Variants in AMMECR1 observed in about 807,000 individuals in gnomAD.
AMMECR1 encodes the protein nuclear protein AMMECR1.
AMMECR1 carries 3 observed loss-of-function variants against 22.5 expected under a neutral mutation model. That is an observed-to-expected ratio of 0.13 (90% CI 0.06 to 0.35). The LOEUF (loss-of-function observed/expected upper bound fraction) is 0.35, where lower values mean the gene tolerates loss of function less well. AMMECR1 is among the 10% of genes least tolerant of loss of function. The pLI, the probability that AMMECR1 is intolerant of heterozygous loss-of-function variation, is 1.00. For missense variants in AMMECR1, 235 were observed against 278.7 expected, an observed-to-expected ratio of 0.84 and a Z score of 1.12; for synonymous variants, 130 against 116.7, an observed-to-expected ratio of 1.11 and a Z score of -0.74.
intron 1 of AMMECR1, among the ~76,000 whole-genome samples, chrX:110,279,205 C>T (rs192579233): frequency 8.9e-6 from 1 of 112,168 alleles, no homozygotes; most frequent in East Asian, 2.8e-4. Context: ...TTTCAGTGAC[C>T]AGTTTCATGC....
Position 110,345,740 on chromosome X carries a change from AT to A in AMMECR1, c.-147-27892del, listed in dbSNP as rs199872667. On this transcript the variant is annotated intron_variant, in intron 2 of 7. Transcript: ENST00000372057. ...TGAATCAAAAATAAAAATTGAAATA[AT>A]TTTTTTAAAAAGAAAAATACAATAG... 9.6e-3 allele frequency among the ~76,000 whole-genome samples: 1,063 copies of A among 111,131 alleles called. 19 individuals are homozygous for A. The highest frequency in any genetic ancestry group is 0.032 in the African/African-American group (985 of 30,618).
At chrX:110,423,254 G>C (rs767019168) in intron 2 of AMMECR1, among the ~76,000 whole-genome samples, 23 of 110,497 alleles carry the variant, frequency 2.1e-4, no homozygotes, top group Non-Finnish European at 4.2e-4. Flanking sequence ...CTTGAACCTG[G>C]GAGGTTGAGG....
At chrX:110,235,159 G>C (rs1202144185) in intron 2 of AMMECR1, among the ~76,000 whole-genome samples, 1 of 111,559 alleles carries the variant, frequency 9.0e-6, no homozygotes, top group African/African-American at 3.3e-5. Context: ...CCCTGTCGAA[G>C]GGTGGGCAAA....
chrX:110,240,296 C>T (rs774982212), intron 2 of AMMECR1, among the ~76,000 whole-genome samples: 121 of 102,888 alleles, frequency 1.2e-3, no homozygotes, highest in Non-Finnish European at 2.2e-3. Flanking sequence ...CATTGGTGTG[C>T]TGTATTCACG....
At chrX:110,410,294 A>C (rs2068633241) in intron 2 of AMMECR1, among the ~76,000 whole-genome samples, 1 of 111,845 alleles carries the variant, frequency 8.9e-6, no homozygotes, top group South Asian at 3.8e-4. Flanking sequence ...CACTCTGCCT[A>C]GAGGTAGAGG....
At chrX:110,244,474 C>A (rs775880913) in intron 2 of AMMECR1, among the ~76,000 whole-genome samples, 1 of 111,763 alleles carries the variant, frequency 8.9e-6, no homozygotes. Context: ...GAAATTGAGT[C>A]GTATATGTCC....
chrX:110,413,083 C>G (rs773091438), intron 2 of AMMECR1, among the ~76,000 whole-genome samples: 2 of 111,571 alleles, frequency 1.8e-5, no homozygotes, highest in African/African-American at 6.5e-5. Flanking sequence ...GTCATCTGTC[C>G]TCTCCCATAC....
chrX:110,424,380 T>G (rs952008655), intron 2 of AMMECR1, among the ~76,000 whole-genome samples: 2 of 111,801 alleles, frequency 1.8e-5, no homozygotes, highest in Non-Finnish European at 3.8e-5. Flanking sequence ...CAGAACTGCA[T>G]TTTTCCAGCA....
At chrX:110,408,645 T>C (rs1439368288) in intron 2 of AMMECR1, among the ~76,000 whole-genome samples, 2 of 112,428 alleles carry the variant, frequency 1.8e-5, no homozygotes, top group Non-Finnish European at 3.8e-5. Flanking sequence ...CACAGACTCA[T>C]TCACCATTTC....
intron 2 of AMMECR1, among the ~76,000 whole-genome samples, chrX:110,383,091 TTTCCTCCTCATCTCAG>T (rs1343912671): frequency 6.3e-5 from 7 of 111,758 alleles, no homozygotes; most frequent in Non-Finnish European, 1.3e-4. Flanking sequence ...CTAATAGCTT[TTTCCTCCTCATCTCAG>T]AACCACCCCT....
chrX:110,345,328 C>T (rs2068183988), intron 2 of AMMECR1, among the ~76,000 whole-genome samples: 1 of 106,643 alleles, frequency 9.4e-6, no homozygotes, highest in African/African-American at 3.6e-5. Context: ...GGGAACATCA[C>T]ACACCGGGGC....
chrX:110,344,376 A>G (rs1307269480), intron 2 of AMMECR1, among the ~76,000 whole-genome samples: 1 of 112,434 alleles, frequency 8.9e-6, no homozygotes, highest in Admixed American at 9.4e-5. Flanking sequence ...TGTTAGACCT[A>G]AAACCATAAA....
intron 1 of AMMECR1, among the ~76,000 whole-genome samples, chrX:110,434,455 C>T (rs2068821155): frequency 9.0e-6 from 1 of 111,495 alleles, no homozygotes; most frequent in Non-Finnish European, 1.9e-5. Context: ...AGGCTCTGAA[C>T]CACGACCGTG....
chrX:110,301,348 A>T (rs758940093), intron 1 of AMMECR1, among the ~76,000 whole-genome samples: 10 of 112,825 alleles, frequency 8.9e-5, no homozygotes, highest in African/African-American at 1.3e-4. Flanking sequence ...CAATTCTGCC[A>T]TAGCCTTCAC....
rs138899536 is a variant in AMMECR1 at position 110,251,892 on chromosome X, C to T, written c.584+12597G>A. 6.3e-5 allele frequency among the ~76,000 whole-genome samples: 7 copies of T among 111,651 alleles called. No homozygotes were observed. The East Asian group carries it at 2.0e-3, about 31-fold the overall frequency. Reference sequence around the variant, plus strand: ...TCATATTATGAAAATTCCTGCCTACCTACATGTGTCCAAGAGAAAAAGAAA... The same window carrying T: ...TCATATTATGAAAATTCCTGCCTACTTACATGTGTCCAAGAGAAAAAGAAA... On this transcript the variant is annotated intron_variant, in intron 2 of 5. Coordinates refer to ENST00000262844, the MANE Select transcript of AMMECR1 (RefSeq NM_015365.3).
intron 1 of AMMECR1, among the ~76,000 whole-genome samples, chrX:110,434,389 A>G (rs2068820374): frequency 8.9e-6 from 1 of 111,747 alleles, no homozygotes; most frequent in African/African-American, 3.3e-5. Context: ...AAGAGAGGCC[A>G]GCTGCATGCG....
At chrX:110,370,174 T>G (rs2068327767) in intron 2 of AMMECR1, among the ~76,000 whole-genome samples, 1 of 111,630 alleles carries the variant, frequency 9.0e-6, no homozygotes, top group Non-Finnish European at 1.9e-5. Flanking sequence ...ATGAATCTAT[T>G]CTGTCTCTCT....
chrX:110,385,464 A>G (rs1602954833), intron 2 of AMMECR1, among the ~76,000 whole-genome samples: 1 of 111,362 alleles, frequency 9.0e-6, no homozygotes, highest in African/African-American at 3.3e-5. Context: ...GAAAATATTC[A>G]TTACCCCAAA....
intron 2 of AMMECR1, among the ~76,000 whole-genome samples, chrX:110,392,538 C>T (rs1200439142): frequency 8.9e-6 from 1 of 112,009 alleles, no homozygotes; most frequent in Non-Finnish European, 1.9e-5. Context: ...TCACTTCGGC[C>T]TCCCAAAGGA....
Sources: allele counts gnomAD v4.1 joint callset (sites outside exome capture counted in the v4.1 genomes callset), GRCh38; gene constraint gnomAD v4.1.1; transcripts MANE v1.5; gene names NCBI Gene and HGNC (gene_info 2026-07-23, HGNC 2026-07-21).